Variants in TSHZ2 observed in about 807,000 individuals in gnomAD.
TSHZ2 encodes the protein teashirt homolog 2.
A neutral mutation model predicts 74.4 loss-of-function variants in TSHZ2; 21 were observed. That is an observed-to-expected ratio of 0.28 (90% confidence interval 0.20 to 0.41). The LOEUF (loss-of-function observed/expected upper bound fraction) is 0.41. Ranked by LOEUF, TSHZ2 falls within the 10% of genes least tolerant of loss-of-function variation. The probability of loss-of-function intolerance (pLI) is 1.00; values close to 1 mark genes in which losing one functional copy is unlikely to be tolerated. For missense variants in TSHZ2, 1,244 were observed against 1,293.5 expected, an observed-to-expected ratio of 0.96 and a Z score of 0.59; for synonymous variants, 540 against 515.3, an observed-to-expected ratio of 1.05 and a Z score of -0.65.
chr20:53,020,226 C>G lies in TSHZ2; in HGVS notation c.40+46893C>G, dbSNP rs1480032085. Among the ~76,000 whole-genome samples the G allele has an allele frequency of 2.0e-5, 3 of 152,198 alleles. 1 individual carries two copies. The highest frequency in any genetic ancestry group is 1.3e-4 in the Admixed American group (2 of 15,278). On this transcript the variant is annotated intron_variant, in intron 1 of 2. Coordinates refer to ENST00000371497, the MANE Select transcript of TSHZ2 (RefSeq NM_173485.6). ...GTGGGGACACAGAGCCCAACCATGT[C>G]ACTTCGTCACCATCGGTCCTCGTGT...
chr20:53,156,299 A>T (rs935743892), intron 1 of TSHZ2, among the ~76,000 whole-genome samples: 1 of 152,220 alleles, frequency 6.6e-6, no homozygotes, highest in Non-Finnish European at 1.5e-5. Flanking sequence ...GAAGAAAAGA[A>T]TCTTCCTACA....
chr20:53,261,471 T>G (rs1453126502), intron 2 of TSHZ2, among the ~76,000 whole-genome samples: 4 of 152,204 alleles, frequency 2.6e-5, no homozygotes, highest in Admixed American at 6.5e-5. Flanking sequence ...CAGGAATTCA[T>G]TTTAGGGAAA....
At chr20:53,157,966 G>C (rs941599125) in intron 1 of TSHZ2, among the ~76,000 whole-genome samples, 1 of 152,178 alleles carries the variant, frequency 6.6e-6, no homozygotes, top group African/African-American at 2.4e-5. Flanking sequence ...AGTGAACACT[G>C]TCATACAGAG....
chr20:53,450,908 G>A (rs201459495), intron 2 of TSHZ2, among the ~76,000 whole-genome samples: 1 of 52,350 alleles, frequency 1.9e-5, no homozygotes, highest in African/African-American at 2.0e-4. Context: ...GATTTATTTA[G>A]TTTCCTCTTT....
At chr20:53,097,131 G>T (rs563569301) in intron 1 of TSHZ2, among the ~76,000 whole-genome samples, 1 of 152,160 alleles carries the variant, frequency 6.6e-6, no homozygotes, top group South Asian at 2.1e-4. Flanking sequence ...TCCAGATATT[G>T]CCAAACATCC....
chr20:53,068,766 T>C lies in TSHZ2; in HGVS notation c.40+95433T>C, dbSNP rs141480806. On this transcript the variant is annotated intron_variant, in intron 1 of 2. Coordinates refer to ENST00000371497, the MANE Select transcript of TSHZ2 (RefSeq NM_173485.6). ...GGTTAAGTCCCATAGGACACCCATA[T>C]GACTTTTAATCTTAAGAAAAATGGT... is the stretch of plus-strand genomic sequence containing the variant. Among the ~76,000 whole-genome samples the C allele has an allele frequency of 2.0e-5, 3 of 152,334 alleles. No individual in the cohort carries two copies. In the East Asian group the frequency reaches 5.8e-4, roughly 29 times the overall value.
intron 1 of TSHZ2, among the ~76,000 whole-genome samples, chr20:53,143,004 G>A (rs898393917): frequency 6.6e-6 from 1 of 152,168 alleles, no homozygotes; most frequent in South Asian, 2.1e-4. Flanking sequence ...CGGCGCTGAC[G>A]TGACCCGCTG....
At chr20:53,449,034 T>G (rs187355685) in intron 2 of TSHZ2, among the ~76,000 whole-genome samples, 212 of 152,310 alleles carry the variant, frequency 1.4e-3, no homozygotes, top group Middle Eastern at 3.4e-3. Context: ...AACCTGGAAC[T>G]TGAGGCTATG....
intron 2 of TSHZ2, among the ~76,000 whole-genome samples, chr20:53,378,993 A>G (rs1240487843): frequency 6.6e-6 from 1 of 152,170 alleles, no homozygotes; most frequent in Non-Finnish European, 1.5e-5. Context: ...TGGCCTAACC[A>G]CTTGGTTAGC....
chr20:53,247,228 T>G (rs945168047), intron 1 of TSHZ2, among the ~76,000 whole-genome samples: 7 of 152,236 alleles, frequency 4.6e-5, no homozygotes, highest in African/African-American at 1.7e-4. Context: ...CATTTCTTTT[T>G]GAACATTTTT....
At chr20:53,141,151 T>G (rs1987391007) in intron 1 of TSHZ2, among the ~76,000 whole-genome samples, 1 of 152,174 alleles carries the variant, frequency 6.6e-6, no homozygotes, top group South Asian at 2.1e-4. Flanking sequence ...GTGAGCCACG[T>G]GGGTACCACT....
chr20:52,978,282 C>G (rs1175150818), intron 1 of TSHZ2, among the ~76,000 whole-genome samples: 1 of 152,080 alleles, frequency 6.6e-6, no homozygotes, highest in African/African-American at 2.4e-5. Context: ...GAAATGATGC[C>G]TCACTGTTCA....
intron 1 of TSHZ2, among the ~76,000 whole-genome samples, chr20:53,152,259 A>C (rs1361791744): frequency 1.3e-5 from 2 of 152,210 alleles, no homozygotes; most frequent in Non-Finnish European, 1.5e-5. Context: ...CTGCAGTCTC[A>C]GAGGTGAGCC....
chr20:53,394,183 C>T (rs1432836801), intron 2 of TSHZ2, among the ~76,000 whole-genome samples: 1 of 152,156 alleles, frequency 6.6e-6, no homozygotes, highest in East Asian at 1.9e-4. Flanking sequence ...GATAGACCTG[C>T]TATCTCATTC....
At chr20:53,031,936 GGAAAGGAA>G (rs1478816196) in intron 1 of TSHZ2, among the ~76,000 whole-genome samples, 1 of 151,632 alleles carries the variant, frequency 6.6e-6, no homozygotes, top group Non-Finnish European at 1.5e-5. Flanking sequence ...GGAGGAGAGA[GGAAAGGAA>G]GAAAGGAAGG....
intron 1 of TSHZ2, among the ~76,000 whole-genome samples, chr20:53,056,949 T>A (rs1160931321): frequency 6.6e-6 from 1 of 152,292 alleles, no homozygotes; most frequent in South Asian, 2.1e-4. Flanking sequence ...TCATCCTGAA[T>A]TGTAGCTCCC....
intron 1 of TSHZ2, among the ~76,000 whole-genome samples, chr20:53,133,925 A>G (rs1458560057): frequency 1.4e-5 from 2 of 146,050 alleles, no homozygotes; most frequent in African/African-American, 5.1e-5. Flanking sequence ...CTTTATAAAA[A>G]TGTTGTCCTT....
Position 53,164,200 on chromosome 20 carries a change from A to G in TSHZ2, c.41-89299A>G, listed in dbSNP as rs187932428. Reference sequence around the variant, plus strand: ...GTTTTAGGATTAGGAATCAGCTTGGATTACTGGATCAAAGGGTAAGAATAT... The same window carrying G: ...GTTTTAGGATTAGGAATCAGCTTGGGTTACTGGATCAAAGGGTAAGAATAT... On this transcript the variant is annotated intron_variant, in intron 1 of 2. Coordinates refer to ENST00000371497, the MANE Select transcript of TSHZ2 (RefSeq NM_173485.6). 2.4e-3 allele frequency among the ~76,000 whole-genome samples: 364 copies of G among 152,240 alleles called. 2 individuals carry two copies. Among genetic ancestry groups the G allele is most frequent in the Non-Finnish European group, 3.9e-3 (265 of 68,016 alleles).
At chr20:52,973,550 C>A (rs1391272125) in intron 1 of TSHZ2, among the ~76,000 whole-genome samples, 2 of 152,312 alleles carry the variant, frequency 1.3e-5, no homozygotes, top group East Asian at 1.9e-4. Flanking sequence ...TCCCACCAAG[C>A]CTTTCCTCCT....
Sources: gnomAD v4.1 joint callset for allele counts (sites outside exome capture counted in the v4.1 genomes callset) on GRCh38, gnomAD v4.1.1 for gene constraint, MANE v1.5 for transcripts, NCBI Gene and HGNC (gene_info 2026-07-23, HGNC 2026-07-21) for gene names.